Variants in APBA1 observed in about 807,000 individuals in gnomAD.
APBA1 encodes amyloid-beta A4 precursor protein-binding family A member 1.
A neutral mutation model predicts 86.6 loss-of-function variants in APBA1; 55 were observed. That is an observed-to-expected ratio of 0.64 (90% CI 0.51 to 0.80). APBA1 has a LOEUF of 0.80. Ranked by LOEUF, APBA1 falls within the 30% of genes least tolerant of loss-of-function variation. The pLI is 0.00. For synonymous variants in APBA1, 511 were observed against 493.9 expected (o/e 1.03, Z -0.46); for missense variants, 1,090 against 1,183.0 (o/e 0.92, Z 1.15).
chr9:69,490,132 A>T (rs1444596808), intron 2 of APBA1, among the ~76,000 whole-genome samples: 2 of 152,126 alleles, frequency 1.3e-5, no homozygotes, highest in South Asian at 2.1e-4. Flanking sequence ...ACACCATGGA[A>T]TACTATGCAG....
At chr9:69,619,649 T>A (rs1048785887) in intron 1 of APBA1, among the ~76,000 whole-genome samples, 20 of 152,236 alleles carry the variant, frequency 1.3e-4, no homozygotes, top group Non-Finnish European at 2.6e-4. Flanking sequence ...CCAACTCACT[T>A]GTGCTTGGAT....
intron 1 of APBA1, among the ~76,000 whole-genome samples, chr9:69,652,310 G>A (rs1318861122): frequency 6.6e-6 from 1 of 152,192 alleles, no homozygotes; most frequent in East Asian, 1.9e-4. Context: ...ATGGAACCCA[G>A]GTGTTGATAT....
chr9:69,468,078 A>ATGGGAGAGGG, intron 4 of APBA1, 110 bp from the exon 5 acceptor site: 5 of 1,311,792 alleles, frequency 3.8e-6, no homozygotes, highest in Admixed American at 1.9e-5. Context: ...CAGGTGAGGC[A>ATGGGAGAGGG]GAGCCAACCT....
Position 69,516,318 on chromosome 9 carries a change from T to G in APBA1, c.893A>C (p.Gln298Pro), listed in dbSNP as rs755337925. The part of the protein sequence containing the change: ...KAAEDMPEAE[Q>P]DLERPPTPAG... The stretch of plus-strand genomic sequence containing the variant: ...CGGGGTAGGGGGACGCTCCAGGTCC[T>G]GCTCGGCCTCAGGCATGTCCTCGGC... Residue 298 changes from glutamine (Q) to proline (P), a missense_variant, in exon 2 of 13, where the codon CAG (glutamine) becomes CCG (proline). This residue lies in a region of APBA1 where 678 missense variants were observed against 647.1 expected (regional missense o/e 1.05). Coordinates refer to ENST00000265381, the MANE Select transcript of APBA1 (RefSeq NM_001163.4). This position sits in a 1 kb window ranked among gnomAD's most constrained non-coding sequence, Gnocchi z 7.3. 6.3e-7 allele frequency: 1 copy of G among 1,590,486 alleles called. No homozygotes were observed. The highest frequency in any genetic ancestry group is 1.1e-5 in the South Asian group (1 of 89,742).
At chr9:69,548,753 GCCATGTTGGA>G (rs1295613779) in intron 1 of APBA1, among the ~76,000 whole-genome samples, 1 of 152,218 alleles carries the variant, frequency 6.6e-6, no homozygotes, top group Non-Finnish European at 1.5e-5. Context: ...CTCAGGGCTG[GCCATGTTGGA>G]CATGCTCTAG....
In APBA1 at chr9:69,516,871, C is replaced by T. The variant is rs750353332; in HGVS notation, c.340G>A (p.Asp114Asn). The T allele has an allele frequency of 1.9e-6, 3 of 1,596,244 alleles. No homozygotes were observed. Among genetic ancestry groups the T allele is most frequent in the Admixed American group, 1.7e-5 (1 of 59,396 alleles). The part of the protein sequence containing the change: ...YDAERAQDPE[D>N]ESAYAVQYRP... ...TACTGCACAGCATAGGCGCTCTCGT[C>T]CTCGGGGTCCTGCGCGCGCTCCGCA... Residue 114 changes from aspartate (D) to asparagine (N), a missense_variant, in exon 2 of 13, where the codon GAC (aspartate) becomes AAC (asparagine). Transcript: ENST00000265381. The surrounding 1 kb of genome is among the most constrained non-coding windows in gnomAD (Gnocchi z 7.3).
chr9:69,448,327 G>C (rs191236231), intron 10 of APBA1, among the ~76,000 whole-genome samples: 3 of 152,258 alleles, frequency 2.0e-5, no homozygotes, highest in African/African-American at 7.2e-5. Flanking sequence ...GCAGCTCAGT[G>C]CCTCACAGAG....
chr9:69,610,627 A>C (rs1822568498), intron 1 of APBA1, among the ~76,000 whole-genome samples: 1 of 152,124 alleles, frequency 6.6e-6, no homozygotes, highest in Non-Finnish European at 1.5e-5. Context: ...CTTGAGAGCA[A>C]AAAATAAACA....
chr9:69,522,513 G>A (rs1200855479), intron 1 of APBA1, among the ~76,000 whole-genome samples: 1 of 152,106 alleles, frequency 6.6e-6, no homozygotes, highest in Non-Finnish European at 1.5e-5. Context: ...AATCCAATGG[G>A]CATTTATCAG....
At chr9:69,653,404 C>T (rs1395743121) in intron 1 of APBA1, among the ~76,000 whole-genome samples, 1 of 152,146 alleles carries the variant, frequency 6.6e-6, no homozygotes, top group Non-Finnish European at 1.5e-5. Flanking sequence ...ACAGATCATC[C>T]AGACAGTAAA....
intron 1 of APBA1, among the ~76,000 whole-genome samples, chr9:69,520,555 G>C (rs925468510): frequency 4.6e-5 from 7 of 152,128 alleles, no homozygotes; most frequent in African/African-American, 1.4e-4. Flanking sequence ...TCATATTAGG[G>C]TTATATTGTG....
chr9:69,557,409 C>T (rs1836879017), intron 1 of APBA1, among the ~76,000 whole-genome samples: 1 of 152,186 alleles, frequency 6.6e-6, no homozygotes, highest in African/African-American at 2.4e-5. Context: ...TAGAGGTGAA[C>T]TCCTGGCAAT....
chr9:69,641,597 G>A (rs1211740052), intron 1 of APBA1, among the ~76,000 whole-genome samples: 1 of 151,984 alleles, frequency 6.6e-6, no homozygotes, highest in East Asian at 1.9e-4. Context: ...CACCATATAT[G>A]GTAAGATGAT....
chr9:69,586,925 A>G (rs900764789), intron 1 of APBA1, among the ~76,000 whole-genome samples: 1 of 152,256 alleles, frequency 6.6e-6, no homozygotes, highest in African/African-American at 2.4e-5. Flanking sequence ...CAAGAGTTCC[A>G]TATACTTTAA....
chr9:69,656,546 G>A (rs1823615584), intron 1 of APBA1, among the ~76,000 whole-genome samples: 1 of 152,176 alleles, frequency 6.6e-6, no homozygotes, highest in African/African-American at 2.4e-5. Flanking sequence ...TCAGAGTAGT[G>A]GTTACCTTTC....
intron 1 of APBA1, among the ~76,000 whole-genome samples, chr9:69,571,765 A>G (rs1306302222): frequency 6.6e-6 from 1 of 152,128 alleles, no homozygotes; most frequent in Non-Finnish European, 1.5e-5. Flanking sequence ...TTTTTAACTT[A>G]ATTCTCTCTT....
chr9:69,606,121 A>G (rs575529729), intron 1 of APBA1, among the ~76,000 whole-genome samples: 1 of 152,356 alleles, frequency 6.6e-6, no homozygotes, highest in East Asian at 1.9e-4. Flanking sequence ...TGAAAAGAGC[A>G]CTAGTATGCA....
intron 1 of APBA1, among the ~76,000 whole-genome samples, chr9:69,609,019 T>C (rs560450522): frequency 4.1e-4 from 62 of 152,344 alleles, no homozygotes; most frequent in African/African-American, 1.5e-3. Flanking sequence ...AACCAATAAC[T>C]GTGTGCTGTA....
chr9:69,614,229 C>G (rs1186480812), intron 1 of APBA1, among the ~76,000 whole-genome samples: 1 of 152,126 alleles, frequency 6.6e-6, no homozygotes, highest in Non-Finnish European at 1.5e-5. Context: ...TGATGGGCTT[C>G]CCCAGCATCA....
Sources: allele counts gnomAD v4.1 joint callset (sites outside exome capture counted in the v4.1 genomes callset), GRCh38; gene constraint gnomAD v4.1.1; regional missense constraint gnomAD v4.1.1; non-coding constraint Gnocchi (gnomAD v3.1); transcripts MANE v1.5; gene names NCBI Gene and HGNC (gene_info 2026-07-23, HGNC 2026-07-21).